Variants in ERC1 observed in about 807,000 individuals in gnomAD.
ERC1 encodes the protein ELKS/RAB6-interacting/CAST family member 1.
ERC1 carries 56 observed loss-of-function variants against 132.0 expected under a neutral mutation model. The ratio of observed to expected loss-of-function variants is 0.42; its 90% CI spans 0.34 to 0.53. The LOEUF (loss-of-function observed/expected upper bound fraction) is 0.53. Among genes scored for constraint, ERC1 ranks in the 20% least tolerant of loss-of-function variants. The probability of loss-of-function intolerance (pLI) is 0.03; values close to 1 mark genes in which losing one functional copy is unlikely to be tolerated. For missense variants in ERC1, 1,202 were observed against 1,349.9 expected, an observed-to-expected ratio of 0.89 and a Z score of 1.72; for synonymous variants, 478 against 476.1, an observed-to-expected ratio of 1.00 and a Z score of -0.05.
At chr12:1,469,959 T>G (rs914940313) in intron 18 of ERC1, among the ~76,000 whole-genome samples, 6 of 143,594 alleles carry the variant, frequency 4.2e-5, no homozygotes, top group African/African-American at 1.5e-4. Context: ...CCGGGGTCAC[T>G]CAGAGCAGCC....
intron 12 of ERC1, among the ~76,000 whole-genome samples, chr12:1,218,949 T>A (rs1465587378): frequency 6.6e-6 from 1 of 152,026 alleles, no homozygotes; most frequent in African/African-American, 2.4e-5. Context: ...CTCAGCTCAC[T>A]GCAACCTCTG....
chr12:1,346,798 C>T (rs1209404547), intron 15 of ERC1, among the ~76,000 whole-genome samples: 3 of 150,696 alleles, frequency 2.0e-5, no homozygotes, highest in South Asian at 2.1e-4. Flanking sequence ...AAAAATTAGC[C>T]GGGCGCGGTG....
intron 15 of ERC1, among the ~76,000 whole-genome samples, chr12:1,353,377 A>G (rs1319413267): frequency 6.6e-6 from 1 of 152,236 alleles, no homozygotes; most frequent in Non-Finnish European, 1.5e-5. Context: ...ATTTTCAAAT[A>G]TTTTAAGGAC....
At chr12:1,017,707 C>A (rs1965738686) in intron 1 of ERC1, among the ~76,000 whole-genome samples, 1 of 152,058 alleles carries the variant, frequency 6.6e-6, no homozygotes, top group African/African-American at 2.4e-5. Context: ...CCATATTGGC[C>A]AGGCTGGCCT....
At chr12:1,101,654 G>A (rs1314971419) in intron 3 of ERC1, among the ~76,000 whole-genome samples, 2 of 152,212 alleles carry the variant, frequency 1.3e-5, no homozygotes, top group Admixed American at 1.3e-4. Context: ...GTGGGAGGTA[G>A]ACTCTGCCTT....
chr12:1,420,002 C>T (rs762062998), intron 17 of ERC1, among the ~76,000 whole-genome samples: 10 of 151,992 alleles, frequency 6.6e-5, no homozygotes, highest in Non-Finnish European at 1.3e-4. Flanking sequence ...ACCCTTGAGG[C>T]TTTGGTTTAG....
intron 18 of ERC1, among the ~76,000 whole-genome samples, chr12:1,454,061 TAG>T (rs940238592): frequency 1.9e-4 from 29 of 152,222 alleles, no homozygotes; most frequent in African/African-American, 6.7e-4. Flanking sequence ...CCCCAGCCTC[TAG>T]AGAGAGGAGG....
At chr12:1,324,819 G>A (rs1226397263) in intron 15 of ERC1, among the ~76,000 whole-genome samples, 2 of 152,100 alleles carry the variant, frequency 1.3e-5, no homozygotes, top group East Asian at 1.9e-4. Context: ...TCCAAATTCA[G>A]TTTAGGCCTC....
At chr12:1,139,908 T>G (rs1377884336) in intron 7 of ERC1, among the ~76,000 whole-genome samples, 1 of 152,090 alleles carries the variant, frequency 6.6e-6, no homozygotes, top group Non-Finnish European at 1.5e-5. Flanking sequence ...AAAAAAAATT[T>G]AGAGTTTGAA....
At chr12:1,472,852 T>C (rs1032378589) in intron 18 of ERC1, among the ~76,000 whole-genome samples, 1 of 152,212 alleles carries the variant, frequency 6.6e-6, no homozygotes, top group African/African-American at 2.4e-5. Context: ...AATTACATAC[T>C]TGAGTTTCCC....
chr12:1,055,832 A>G (rs1300741561), intron 2 of ERC1, among the ~76,000 whole-genome samples: 5 of 152,160 alleles, frequency 3.3e-5, no homozygotes, highest in African/African-American at 1.2e-4. Context: ...TAAATGAGTT[A>G]GAATGCATAA....
chr12:1,346,660 C>T (rs949842505), intron 15 of ERC1, among the ~76,000 whole-genome samples: 3 of 152,116 alleles, frequency 2.0e-5, no homozygotes, highest in East Asian at 1.9e-4. Flanking sequence ...TGATGGTTTT[C>T]GGCCGGGCGC....
At chr12:1,406,576 A>G (rs1302978511) in intron 16 of ERC1, among the ~76,000 whole-genome samples, 3 of 152,200 alleles carry the variant, frequency 2.0e-5, no homozygotes, top group Non-Finnish European at 2.9e-5. Flanking sequence ...AAGAGTGACA[A>G]TCACTGATAG....
rs77022638 is a variant in ERC1, at chr12:1,415,337, C to A, written c.3024+7090C>A. On this transcript the variant is annotated intron_variant, in intron 17 of 18. Transcript: ENST00000360905. ...TCTTGGTATAAGAACATGCCACTTA[C>A]TACAATCTGGAAATGGCCTGCCTAT... is the stretch of plus-strand genomic sequence containing the variant. 4.4e-3 allele frequency among the ~76,000 whole-genome samples: 665 copies of A among 152,322 alleles called. 9 individuals are homozygous for A. Among genetic ancestry groups the A allele is most frequent in the African/African-American group, 0.015 (621 of 41,558 alleles).
At chr12:1,092,048 G>T (rs1329640456) in intron 3 of ERC1, among the ~76,000 whole-genome samples, 1 of 150,548 alleles carries the variant, frequency 6.6e-6, no homozygotes, top group Non-Finnish European at 1.5e-5. Flanking sequence ...GCCCAGGCTG[G>T]AGTGCAATGG....
intron 1 of ERC1, among the ~76,000 whole-genome samples, chr12:1,014,070 T>A (rs1245897345): frequency 6.6e-6 from 1 of 152,094 alleles, no homozygotes; most frequent in Non-Finnish European, 1.5e-5. Context: ...ATTAGCAATC[T>A]GTCTATGCCT....
intron 18 of ERC1, among the ~76,000 whole-genome samples, chr12:1,459,768 A>G (rs939700851): frequency 2.0e-5 from 3 of 152,268 alleles, no homozygotes; most frequent in Non-Finnish European, 2.9e-5. Context: ...AATCTGACAC[A>G]TACCATCTAA....
chr12:1,114,376 A>G (rs952795485), intron 6 of ERC1, among the ~76,000 whole-genome samples: 3 of 152,146 alleles, frequency 2.0e-5, no homozygotes, highest in Non-Finnish European at 4.4e-5. Context: ...TTTAAGGTCA[A>G]TATAGCATTA....
At chr12:1,450,860 G>A (rs1181731627) in intron 18 of ERC1, among the ~76,000 whole-genome samples, 1 of 152,222 alleles carries the variant, frequency 6.6e-6, no homozygotes, top group Non-Finnish European at 1.5e-5. Flanking sequence ...CCTAATGGGT[G>A]TAAGGTGGCA....
Sources: gnomAD v4.1 joint callset for allele counts (sites outside exome capture counted in the v4.1 genomes callset) on GRCh38, gnomAD v4.1.1 for gene constraint, MANE v1.5 for transcripts, NCBI Gene and HGNC (gene_info 2026-07-23, HGNC 2026-07-21) for gene names.